Variants in MX2 observed in about 807,000 individuals in gnomAD.
The protein encoded by MX2 is interferon-induced GTP-binding protein Mx2.
MX2 carries 51 observed loss-of-function variants against 74.0 expected under a neutral mutation model. That is an observed-to-expected ratio of 0.69 (90% CI 0.55 to 0.87). MX2 has a LOEUF of 0.87. Among genes scored for constraint, MX2 ranks in the 40% least tolerant of loss-of-function variants. MX2 has a pLI of 0.00. For synonymous variants in MX2, 369 were observed against 339.3 expected (o/e 1.09, Z -0.96); for missense variants, 832 against 908.7 (o/e 0.92, Z 1.09).
Position 41,402,086 on chromosome 21 carries a change from C to T in MX2, c.1531C>T (p.Gln511Ter). Residue 511 changes from glutamine to a stop codon, truncating the protein, a stop_gained, in exon 11 of 14, where the codon CAG (glutamine) becomes TAG (stop). Transcript: ENST00000330714. LOFTEE classifies it high-confidence loss of function. The surrounding 1 kb of genome is among the most constrained non-coding windows in gnomAD (Gnocchi z 4.5). ...GATCATCGTGCATCAGTACATCCAG[C>T]AGCTGGTGGAGCCCGCCCTTAGCAT... ...FEIIVHQYIQQLVEPALSMLQ... is the reference protein window; with the variant it reads ...FEIIVHQYIQ 1 of 1,614,160 alleles carries T rather than the reference C, an allele frequency of 6.2e-7. No individual in the cohort carries two copies. Among genetic ancestry groups the T allele is most frequent in the Non-Finnish European group, 8.5e-7 (1 of 1,180,014 alleles).
intron 10 of MX2, 162 bp downstream of exon 10, chr21:41,399,499 T>TTTTTTA: frequency 1.4e-6 from 1 of 711,692 alleles, no homozygotes; most frequent in South Asian, 2.0e-5. Flanking sequence ...AACCCAGAAA[T>TTTTTTA]ATGGGGCATC....
intron 12 of MX2, chr21:41,403,858 A>G (rs971316372): frequency 1.5e-5 from 5 of 322,948 alleles, no homozygotes; most frequent in Admixed American, 4.1e-5. Context: ...TTGAAATCTC[A>G]TTCCATAGTG....
rs570290173 is a variant in MX2, at chr21:41,368,584, C to T, written c.-72+6529C>T. On this transcript the variant is annotated intron_variant, in intron 1 of 13. Coordinates refer to ENST00000330714, the MANE Select transcript of MX2 (RefSeq NM_002463.2). The surrounding 1 kb of genome is among the most constrained non-coding windows in gnomAD (Gnocchi z 4.6). ...AGAGCAATCTGTGCCCAGCTCCTGT[C>T]CTCTCAAACTTAATCAGCTCATGAT... Among the ~76,000 whole-genome samples, 31 of 152,304 alleles carry T rather than the reference C, an allele frequency of 2.0e-4. No homozygotes were observed. Among genetic ancestry groups the T allele is most frequent in the Non-Finnish European group, 1.8e-4 (12 of 68,034 alleles).
At chr21:41,382,648 G>A in intron 5 of MX2, 84 bp downstream of exon 5, 1 of 1,549,728 alleles carries the variant, frequency 6.5e-7, no homozygotes, top group Non-Finnish European at 8.8e-7. Flanking sequence ...GTACCTCCTG[G>A]AGCCTTTACA....
chr21:41,362,660 A>T (rs1009973674), intron 1 of MX2, among the ~76,000 whole-genome samples: 9 of 150,416 alleles, frequency 6.0e-5, no homozygotes, highest in Admixed American at 1.3e-4. Context: ...TGCACCCTGG[A>T]TCGCCTGCAC....
At chr21:41,394,160 C>T (rs2089700842) in intron 6 of MX2, among the ~76,000 whole-genome samples, 1 of 152,210 alleles carries the variant, frequency 6.6e-6, no homozygotes, top group Non-Finnish European at 1.5e-5. Flanking sequence ...TCGGGTCATG[C>T]CCCTCTCTGT....
At chr21:41,381,645 A>C (rs1345375846) in intron 4 of MX2, among the ~76,000 whole-genome samples, 3 of 146,986 alleles carry the variant, frequency 2.0e-5, no homozygotes, top group Non-Finnish European at 4.4e-5. Context: ...AGATCGTGCC[A>C]CTGCACTCCA....
chr21:41,364,164 C>T (rs1197533549), intron 1 of MX2: 2 of 152,926 alleles, frequency 1.3e-5, no homozygotes, highest in Non-Finnish European at 1.5e-5. Flanking sequence ...ACTCCCTCAC[C>T]TCAGTGCTGC....
At position 41,408,541 on chromosome 21, in the gene MX2, C is replaced by T; in HGVS notation, c.*308C>T. ...TAATTTGTATTTGTATTCCCTTCCC[C>T]CTACAAGATTATGAGACCCCAGAGG... is the stretch of plus-strand genomic sequence containing the variant. On this transcript the variant is annotated 3_prime_UTR_variant, in exon 14 of 14. Transcript: ENST00000330714. 3.2e-6 allele frequency: 1 copy of T among 314,736 alleles called. No individual in the cohort carries two copies. Among genetic ancestry groups the T allele is most frequent in the Non-Finnish European group, 5.9e-6 (1 of 170,572 alleles). The allele number at this position is 314,736 out of a possible 1,614,324, so 19.5% of individuals were successfully genotyped here.
Position 41,382,099 on chromosome 21 carries a change from A to T in MX2, c.578-311A>T, listed in dbSNP as rs567030326. The stretch of plus-strand genomic sequence containing the variant: ...TTTGTGGACATATTTTAAAACCACC[A>T]CAGCACTCACTGGAAAATGCTAAAA... On this transcript the variant is annotated intron_variant, in intron 4 of 13. Coordinates refer to ENST00000330714, the MANE Select transcript of MX2 (RefSeq NM_002463.2). Among the ~76,000 whole-genome samples the T allele has an allele frequency of 3.3e-5, 5 of 152,346 alleles. No individual in the cohort carries two copies. In the South Asian group the frequency reaches 1.0e-3, roughly 32 times the overall value.
intron 5 of MX2, among the ~76,000 whole-genome samples, chr21:41,389,028 T>C (rs1341067662): frequency 1.3e-5 from 2 of 152,172 alleles, no homozygotes. Context: ...AACCCTGGGC[T>C]GTGTGGTCTG....
At chr21:41,390,864 G>A (rs2089649799) in intron 6 of MX2, among the ~76,000 whole-genome samples, 161 bp downstream of exon 6, 3 of 152,150 alleles carry the variant, frequency 2.0e-5, no homozygotes, top group South Asian at 4.1e-4. Context: ...AAATTAGTCG[G>A]GCATGGTGGC....
In MX2 at chr21:41,389,823, G is replaced by A. The variant is rs1655384485; in HGVS notation, c.733-742G>A. The A allele has an allele frequency of 1.3e-5, 2 of 152,138 alleles. 1 individual carries two copies. The highest frequency in any genetic ancestry group is 4.1e-4 in the South Asian group (2 of 4,824). The allele number at this position is 152,138 out of a possible 1,614,324, so 9.4% of individuals were successfully genotyped here. On this transcript the variant is annotated intron_variant, in intron 5 of 13. Transcript: ENST00000330714. ...TATGTAAATTGTGCCAAAATATAAG[G>A]AACTATGTCCCAAGGTGCCAGCTTT...
Position 41,408,046 on chromosome 21 carries a change from T to A in MX2, c.1961T>A (p.Leu654His), listed in dbSNP as rs2089909436. The change falls in exon 14 of 14, where the codon CTC becomes CAC. Residue 654 changes from leucine to histidine, a missense_variant. Coordinates refer to ENST00000330714, the MANE Select transcript of MX2 (RefSeq NM_002463.2). The part of the protein sequence containing the change: ...QIPFIIQYFM[L>H]RENGDSLQKA... The stretch of plus-strand genomic sequence containing the variant: ...CCATTTATAATTCAGTATTTTATGC[T>A]CCGAGAGAATGGTGACTCCTTGCAG... 1 of 1,614,118 alleles carries A rather than the reference T, an allele frequency of 6.2e-7. No homozygotes were observed. The highest frequency in any genetic ancestry group is 1.7e-5 in the Admixed American group (1 of 60,010).
chr21:41,394,056 G>A (rs955908186), intron 6 of MX2, among the ~76,000 whole-genome samples: 1 of 152,130 alleles, frequency 6.6e-6, no homozygotes, highest in African/African-American at 2.4e-5. Flanking sequence ...AGCCACCATG[G>A]TCTCCTGCCT....
chr21:41,382,511 C>G lies in MX2; in HGVS notation c.679C>G (p.Pro227Ala). Residue 227 changes from proline (P) to alanine (A), a missense_variant, in exon 5 of 14, where the codon CCC becomes GCC. Transcript: ENST00000330714. ...EVPDLTIIDL[P>A]GITRVAVDNQ... is the part of the protein sequence containing the mutation. ...TCCAGACCTGACCATCATTGACCTT[C>G]CCGGCATCACCAGGGTGGCTGTGGA... is the stretch of plus-strand genomic sequence containing the variant. 1.2e-6 allele frequency: 2 copies of G among 1,614,236 alleles called. No homozygotes were observed. Among genetic ancestry groups the G allele is most frequent in the Non-Finnish European group, 1.7e-6 (2 of 1,180,056 alleles).
At chr21:41,405,791 G>C (rs1485995366) in intron 12 of MX2, among the ~76,000 whole-genome samples, 1 of 142,024 alleles carries the variant, frequency 7.0e-6, no homozygotes, top group African/African-American at 2.6e-5. Context: ...TGCAACATCT[G>C]CCTCCTAGGT....
Position 41,377,867 on chromosome 21 carries a change from C to A in MX2, c.328C>A (p.Leu110Met). ...TGACCTCATCGACTCCCTGCGGGCTCTGGGTGTGGAGCAGGACCTGGCCCT... is the reference window on the plus strand; with the variant it reads ...TGACCTCATCGACTCCCTGCGGGCTATGGGTGTGGAGCAGGACCTGGCCCT... ...CIDLIDSLRA[L>M]GVEQDLALPA... The change falls in exon 3 of 14, where the codon CTG (leucine) becomes ATG (methionine). Residue 110 changes from leucine to methionine, a missense_variant. Leu to Met is a conservative substitution (Grantham distance 15). Coordinates refer to ENST00000330714, the MANE Select transcript of MX2 (RefSeq NM_002463.2). The A allele has an allele frequency of 6.2e-7, 1 of 1,614,226 alleles. No individual in the cohort carries two copies. The highest frequency in any genetic ancestry group is 8.5e-7 in the Non-Finnish European group (1 of 1,180,038).
intron 12 of MX2, 135 bp from the exon 13 acceptor site, chr21:41,406,609 A>G (rs1040143389): frequency 1.0e-6 from 1 of 953,990 alleles, no homozygotes; most frequent in Non-Finnish European, 1.5e-6. Context: ...AAAAATCATC[A>G]TTTCAAGTCT....
Sources: allele counts gnomAD v4.1 joint callset (sites outside exome capture counted in the v4.1 genomes callset), GRCh38; gene constraint gnomAD v4.1.1; non-coding constraint Gnocchi (gnomAD v3.1); transcripts MANE v1.5; gene names NCBI Gene and HGNC (gene_info 2026-07-23, HGNC 2026-07-21).